The following KCNT1 variants were observed in gnomAD, a reference collection of about 807,000 sequenced individuals.
KCNT1 encodes the protein potassium channel subfamily T member 1.
In KCNT1, 78 loss-of-function variants were observed where a neutral mutation model predicts 147.8. The observed-to-expected ratio is 0.53, with a 90% CI of 0.44 to 0.64. KCNT1 has a LOEUF of 0.64. KCNT1 is among the 30% of genes least tolerant of loss of function. The probability of loss-of-function intolerance (pLI) is 0.00; values close to 1 mark genes in which losing one functional copy is unlikely to be tolerated. For missense variants in KCNT1, 1,419 were observed against 1,750.3 expected (o/e 0.81, Z 3.38); for synonymous variants, 867 against 748.8 (o/e 1.16, Z -2.58).
intron 10 of KCNT1, among the ~76,000 whole-genome samples, chr9:135,759,438 C>T (rs1346057704): frequency 6.6e-6 from 1 of 152,200 alleles, no homozygotes; most frequent in Non-Finnish European, 1.5e-5. Flanking sequence ...GGCCGCCATG[C>T]TGTGGCCAAG....
chr9:135,731,580 T>C lies in KCNT1; in HGVS notation c.254+16860T>C, dbSNP rs559498030. 3.9e-5 allele frequency among the ~76,000 whole-genome samples: 6 copies of C among 152,304 alleles called. No individual in the cohort carries two copies. In the South Asian group the frequency reaches 6.2e-4, roughly 16 times the overall value. On this transcript the variant is annotated intron_variant, in intron 2 of 30. Coordinates refer to ENST00000371757, the MANE Select transcript of KCNT1 (RefSeq NM_020822.3). Reference sequence around the variant, plus strand: ...TTGTTTTTCTCCCAACAAGGGCGTGTGCATTTGTGCCGCGTTCTCTCACGT... The same window carrying C: ...TTGTTTTTCTCCCAACAAGGGCGTGCGCATTTGTGCCGCGTTCTCTCACGT...
In KCNT1 at chr9:135,791,730, G is replaced by A. The variant is rs139315777; in HGVS notation, c.3503-67G>A. On this transcript the variant is annotated intron_variant, in intron 29 of 30. Coordinates refer to ENST00000371757, the MANE Select transcript of KCNT1 (RefSeq NM_020822.3). ...CTCATCCTGGAGCCCCCACACCTCT[G>A]GGCCCCTGCAGAGCTGGGAGGGGCA... The A allele has an allele frequency of 9.7e-3, 13,188 of 1,357,960 alleles. 89 individuals carry two copies. The highest frequency in any genetic ancestry group is 0.018 in the South Asian group (1,566 of 85,374). The allele number at this position is 1,357,960 out of a possible 1,614,324, so 84.1% of individuals were successfully genotyped here.
chr9:135,786,595 G>A (rs867234269), intron 29 of KCNT1, 74 bp downstream of exon 29: 71 of 1,390,976 alleles, frequency 5.1e-5, no homozygotes, highest in Admixed American at 2.4e-4. Flanking sequence ...AAGAACAGTC[G>A]GCCACGGCGT....
At chr9:135,784,193 AGCCT>A in intron 25 of KCNT1, 68 bp downstream of exon 25, 1 of 1,234,634 alleles carries the variant, frequency 8.1e-7, no homozygotes, top group Non-Finnish European at 1.2e-6. Context: ...TCAGCTCTTC[AGCCT>A]GGTCCCTGTT....
At chr9:135,769,075 G>A in intron 15 of KCNT1, 138 bp downstream of exon 15, 1 of 671,474 alleles carries the variant, frequency 1.5e-6, no homozygotes, top group Non-Finnish European at 2.5e-6. Context: ...GTGCACACGT[G>A]GGTGACGGTG....
chr9:135,784,805 C>G lies in KCNT1; in HGVS notation c.3072C>G (p.Arg1024=), dbSNP rs141695705. The G allele has an allele frequency of 3.7e-6, 6 of 1,612,842 alleles. No homozygotes were observed. The South Asian group carries it at 6.6e-5, about 18-fold the overall frequency. The change falls in exon 27 of 31, where the codon CGC becomes CGG. Residue 1024 remains arginine, a synonymous_variant. Transcript: ENST00000371757. ...ACCTGTGGATCCGCACGTACGGCCG[C>G]CTCTTCCAGAAGCTCTGCTCCTCCA... ...EGDLWIRTYG[R]LFQKLCSSSA... is the part of the protein sequence containing the mutation.
At chr9:135,781,784 C>T (rs998440) in intron 24 of KCNT1, among the ~76,000 whole-genome samples, 4,575 of 152,272 alleles carry the variant, frequency 0.03, 175 homozygotes, top group African/African-American at 0.093. Flanking sequence ...GCATACACGA[C>T]CGTCAGTGAG....
chr9:135,774,736 G>C (rs1018582186), intron 19 of KCNT1, among the ~76,000 whole-genome samples: 1 of 152,164 alleles, frequency 6.6e-6, no homozygotes, highest in African/African-American at 2.4e-5. Context: ...TGTGTTGTGT[G>C]TGTGTCCGGG....
At chr9:135,756,220 G>T (rs66913146) in intron 6 of KCNT1, among the ~76,000 whole-genome samples, 2 of 151,954 alleles carry the variant, frequency 1.3e-5, no homozygotes, top group Non-Finnish European at 2.9e-5. Flanking sequence ...GCTGAGGACC[G>T]ACCCAGGCTC....
chr9:135,717,610 C>T (rs1000705539), intron 2 of KCNT1, among the ~76,000 whole-genome samples: 1 of 152,158 alleles, frequency 6.6e-6, no homozygotes, highest in African/African-American at 2.4e-5. Flanking sequence ...AAGTCACCTG[C>T]CAGCTCGCCA....
intron 10 of KCNT1, among the ~76,000 whole-genome samples, chr9:135,759,291 C>T (rs1344562303): frequency 2.0e-5 from 3 of 152,210 alleles, no homozygotes; most frequent in Admixed American, 2.0e-4. Flanking sequence ...GGGCCAGACC[C>T]CAGGCCCACC....
intron 2 of KCNT1, among the ~76,000 whole-genome samples, chr9:135,732,036 A>AGAGAGAGAGAGAGG (rs1471974281): frequency 7.3e-6 from 1 of 137,258 alleles, no homozygotes; most frequent in African/African-American, 2.7e-5. Flanking sequence ...AGAGAGAGAG[A>AGAGAGAGAGAGAGG]GAGAGGGAGT....
chr9:135,709,088 C>T (rs942846411), intron 1 of KCNT1, among the ~76,000 whole-genome samples: 3 of 152,204 alleles, frequency 2.0e-5, no homozygotes, highest in Non-Finnish European at 4.4e-5. Flanking sequence ...TGCCCTAGAA[C>T]CCCACCCTGC....
intron 29 of KCNT1, among the ~76,000 whole-genome samples, chr9:135,788,320 C>G (rs752720057): frequency 4.6e-5 from 7 of 152,252 alleles, no homozygotes; most frequent in Non-Finnish European, 8.8e-5. Context: ...GGCAAGGCCT[C>G]GCATGCCGAC....
chr9:135,775,861 C>T (rs74851639), intron 20 of KCNT1, among the ~76,000 whole-genome samples: 19 of 152,232 alleles, frequency 1.2e-4, no homozygotes, highest in African/African-American at 4.1e-4. Flanking sequence ...AGTGTTTTCC[C>T]CACCGGGAGC....
chr9:135,784,086 C>T lies in KCNT1; in HGVS notation c.2904C>T (p.Arg968=), dbSNP rs986294962. ...FMFRLPFAAG[R]VFSISMLDTL... is the part of the protein sequence containing the mutation. ...TCCGCCTGCCGTTCGCCGCCGGCCG[C>T]GTCTTCAGCATCAGCATGTTGGACA... Residue 968 remains arginine (R), a synonymous_variant, in exon 25 of 31, where the codon CGC becomes CGT. Coordinates refer to ENST00000371757, the MANE Select transcript of KCNT1 (RefSeq NM_020822.3). The T allele has an allele frequency of 5.0e-6, 8 of 1,605,712 alleles. No individual in the cohort carries two copies. The African/African-American group carries it at 5.3e-5, about 11-fold the overall frequency.
At chr9:135,740,944 G>T (rs199611092) in intron 2 of KCNT1, among the ~76,000 whole-genome samples, 8 of 152,002 alleles carry the variant, frequency 5.3e-5, no homozygotes, top group East Asian at 3.9e-4. Context: ...CACTTGGCAG[G>T]GTTTGTGCAG....
intron 19 of KCNT1, among the ~76,000 whole-genome samples, chr9:135,774,272 G>A (rs111207738): frequency 1.4e-4 from 20 of 144,902 alleles, no homozygotes; most frequent in African/African-American, 4.5e-4. Flanking sequence ...GGTGTCTGTT[G>A]TGTGTGTGGT....
At chr9:135,724,643 C>T (rs940057251) in intron 2 of KCNT1, among the ~76,000 whole-genome samples, 1 of 152,230 alleles carries the variant, frequency 6.6e-6, no homozygotes, top group Non-Finnish European at 1.5e-5. Flanking sequence ...GAATCATTTC[C>T]CAGTGGAAGT....
Sources: allele counts gnomAD v4.1 joint callset (sites outside exome capture counted in the v4.1 genomes callset), GRCh38; gene constraint gnomAD v4.1.1; transcripts MANE v1.5; gene names NCBI Gene and HGNC (gene_info 2026-07-23, HGNC 2026-07-21).